RB1: variants seen among roughly 807,000 people sequenced by gnomAD.
RB1 encodes retinoblastoma-associated protein.
Under a neutral mutation model 135.4 loss-of-function variants are expected in RB1, and 18 were observed. That is an observed-to-expected ratio of 0.13 (90% CI 0.09 to 0.20). The LOEUF (loss-of-function observed/expected upper bound fraction) is 0.20, where lower values mean the gene tolerates loss of function less well. Among genes scored for constraint, RB1 ranks in the 10% least tolerant of loss-of-function variants. RB1 has a pLI of 1.00. For missense variants in RB1, 868 were observed against 1,110.0 expected (o/e 0.78, Z 3.10); for synonymous variants, 365 against 373.2 (o/e 0.98, Z 0.25).
At chr13:48,345,329 G>A in intron 4 of RB1, 130 bp downstream of exon 4, 1 of 1,056,628 alleles carries the variant, frequency 9.5e-7, no homozygotes, top group Non-Finnish European at 1.4e-6. Context: ...CCCTTTTAAT[G>A]TTAGCTCATT....
intron 6 of RB1, among the ~76,000 whole-genome samples, chr13:48,355,252 CAA>C (rs1471718698): frequency 6.6e-6 from 1 of 151,966 alleles, no homozygotes; most frequent in Non-Finnish European, 1.5e-5. Flanking sequence ...AAAAAATTGG[CAA>C]AAGAGTTGAA....
rs776912915 is a variant in RB1 at position 48,452,979 on chromosome 13, C to T, written c.1696-14C>T. ...CTTACTAATGTGGTTTTAATTTCAT[C>T]ATGTTTCATATAGGATTCACCTTTA... On this transcript the variant is annotated splice_polypyrimidine_tract_variant and intron_variant, in intron 17 of 26. Coordinates refer to ENST00000267163, the MANE Select transcript of RB1 (RefSeq NM_000321.3). 7.4e-6 allele frequency: 12 copies of T among 1,611,462 alleles called. No homozygotes were observed. In the South Asian group the frequency reaches 1.1e-4, roughly 15 times the overall value.
intron 5 of RB1, among the ~76,000 whole-genome samples, chr13:48,348,534 G>GA (rs1025822301): frequency 6.6e-6 from 1 of 151,374 alleles, no homozygotes; most frequent in African/African-American, 2.4e-5. Flanking sequence ...TAATTAATCA[G>GA]AAAAAAGAGC....
intron 17 of RB1, among the ~76,000 whole-genome samples, chr13:48,446,383 G>A (rs931543214): frequency 6.6e-6 from 1 of 152,154 alleles, no homozygotes; most frequent in African/African-American, 2.4e-5. Context: ...AGCCCTTACT[G>A]TGTGCCAGGT....
rs144673198 is a variant in RB1 at position 48,396,690 on chromosome 13, T to C, written c.1695+15247T>C. On this transcript the variant is annotated intron_variant, in intron 17 of 26. Coordinates refer to ENST00000267163, the MANE Select transcript of RB1 (RefSeq NM_000321.3). Reference sequence around the variant, plus strand: ...AGAGCTTCTGCACAGCAAAAGAAACTATCTTCAGAGTGAACAGGCAACCTA... The same window carrying C: ...AGAGCTTCTGCACAGCAAAAGAAACCATCTTCAGAGTGAACAGGCAACCTA... 8.3e-3 allele frequency among the ~76,000 whole-genome samples: 1,264 copies of C among 152,230 alleles called. 5 individuals carry two copies. The highest frequency in any genetic ancestry group is 0.014 in the Non-Finnish European group (956 of 68,012).
intron 2 of RB1, among the ~76,000 whole-genome samples, chr13:48,335,731 G>A (rs1952379113): frequency 6.6e-6 from 1 of 151,882 alleles, no homozygotes; most frequent in African/African-American, 2.4e-5. Flanking sequence ...AATTTTTAAA[G>A]TGCTATCCTG....
chr13:48,357,027 T>A (rs1031467620), intron 6 of RB1, among the ~76,000 whole-genome samples: 9 of 151,892 alleles, frequency 5.9e-5, no homozygotes, highest in African/African-American at 1.9e-4. Context: ...ATTTTTTTTT[T>A]AATTTGAGGT....
chr13:48,476,888 C>T lies in RB1; in HGVS notation c.2663+45C>T, dbSNP rs750572451. 261 of 1,601,832 alleles carry T rather than the reference C, an allele frequency of 1.6e-4. 1 individual carries two copies. Among genetic ancestry groups the T allele is most frequent in the Non-Finnish European group, 2.0e-4 (237 of 1,169,860 alleles). On this transcript the variant is annotated intron_variant, in intron 25 of 26. Transcript: ENST00000267163. The stretch of plus-strand genomic sequence containing the variant: ...GTTTTCCAGTAGCCGAGATGGTCAT[C>T]TGGGGAATCCAGAGTCTCAGCACTG...
At chr13:48,322,847 G>A (rs1432517685) in intron 2 of RB1, among the ~76,000 whole-genome samples, 1 of 152,066 alleles carries the variant, frequency 6.6e-6, no homozygotes, top group Non-Finnish European at 1.5e-5. Context: ...AACCAACATT[G>A]CATCTCTGGA....
chr13:48,367,663 T>C (rs944817262), intron 10 of RB1, 60 bp downstream of exon 10: 1 of 1,551,332 alleles, frequency 6.4e-7, no homozygotes, highest in African/African-American at 1.4e-5. Flanking sequence ...CTGATATAGG[T>C]AGATTATATA....
chr13:48,408,795 CTTT>C (rs1948762840), intron 17 of RB1: 1 of 152,098 alleles, frequency 6.6e-6, no homozygotes. Context: ...CAAAAAGTTT[CTTT>C]ATGAACATAG....
intron 2 of RB1, among the ~76,000 whole-genome samples, chr13:48,315,617 C>T (rs1257183047): frequency 1.3e-5 from 2 of 152,186 alleles, no homozygotes; most frequent in African/African-American, 4.8e-5. Flanking sequence ...AAGGGGAATG[C>T]TTTCAACTTT....
At chr13:48,333,735 GA>G (rs369961896) in intron 2 of RB1, among the ~76,000 whole-genome samples, 1 of 133,678 alleles carries the variant, frequency 7.5e-6, no homozygotes, top group Non-Finnish European at 1.6e-5. Context: ...AGAAAAAAAA[GA>G]AAAAAAAACA....
At position 48,404,609 on chromosome 13, in the gene RB1, C is replaced by T. The variant is rs560546035; in HGVS notation, c.1695+23166C>T. ...TGGTGTGATCTCCGCTCACTGCAACCGCTGCCTCCTAGGTTCAAACGATTC... is the reference window on the plus strand; with the variant it reads ...TGGTGTGATCTCCGCTCACTGCAACTGCTGCCTCCTAGGTTCAAACGATTC... On this transcript the variant is annotated intron_variant, in intron 17 of 26. Transcript: ENST00000267163. 2.1e-4 allele frequency among the ~76,000 whole-genome samples: 32 copies of T among 152,012 alleles called. 1 individual carries two copies. Among genetic ancestry groups the T allele is most frequent in the Admixed American group, 1.7e-3 (26 of 15,270 alleles).
chr13:48,445,857 G>A (rs533613017), intron 17 of RB1, among the ~76,000 whole-genome samples: 6 of 152,134 alleles, frequency 3.9e-5, no homozygotes, highest in Non-Finnish European at 8.8e-5. Context: ...ACATGTACAC[G>A]TATTCTATTT....
At chr13:48,366,460 A>G (rs896657723) in intron 9 of RB1, among the ~76,000 whole-genome samples, 1 of 152,194 alleles carries the variant, frequency 6.6e-6, no homozygotes, top group South Asian at 2.1e-4. Flanking sequence ...ATTTCTTCCT[A>G]TCACTCCTTT....
intron 2 of RB1, among the ~76,000 whole-genome samples, chr13:48,327,720 A>G (rs1480382541): frequency 6.6e-6 from 1 of 152,218 alleles, no homozygotes; most frequent in African/African-American, 2.4e-5. Flanking sequence ...TTAAGAGAGT[A>G]ACTGCTTGCA....
intron 17 of RB1, 44 bp from the exon 18 acceptor site, chr13:48,452,949 T>C: frequency 1.2e-6 from 2 of 1,607,488 alleles, no homozygotes; most frequent in Non-Finnish European, 1.7e-6. Flanking sequence ...CCTGGGAAAA[T>C]TATGCTTACT....
intron 17 of RB1, among the ~76,000 whole-genome samples, chr13:48,402,618 C>T (rs1156425250): frequency 6.6e-6 from 1 of 151,992 alleles, no homozygotes; most frequent in African/African-American, 2.4e-5. Flanking sequence ...CTCAAGTGAT[C>T]CTATTGCTTT....
Sources: allele counts gnomAD v4.1 joint callset (sites outside exome capture counted in the v4.1 genomes callset), GRCh38; gene constraint gnomAD v4.1.1; transcripts MANE v1.5; gene names NCBI Gene and HGNC (gene_info 2026-07-23, HGNC 2026-07-21).